Variants in NOXRED1 observed in about 807,000 individuals in gnomAD.
The protein encoded by NOXRED1 is NADP-dependent oxidoreductase domain-containing protein 1.
NOXRED1 carries 20 observed loss-of-function variants against 30.4 expected under a neutral mutation model. The ratio of observed to expected loss-of-function variants is 0.66; its 90% CI spans 0.46 to 0.96. The LOEUF is 0.96. Ranked by LOEUF, NOXRED1 falls within the 40% of genes least tolerant of loss-of-function variation. The pLI, the probability that NOXRED1 is intolerant of heterozygous loss-of-function variation, is 0.00. For missense variants in NOXRED1, 374 were observed against 428.0 expected, an observed-to-expected ratio of 0.87 and a Z score of 1.11; for synonymous variants, 155 against 168.0, an observed-to-expected ratio of 0.92 and a Z score of 0.60.
intron 2 of NOXRED1, among the ~76,000 whole-genome samples, chr14:77,407,854 A>C (rs1023421294): frequency 6.8e-6 from 1 of 147,900 alleles, no homozygotes; most frequent in Non-Finnish European, 1.5e-5. Context: ...TAGTACTTGA[A>C]ATTATAATTC....
At chr14:77,402,732 A>G (rs923092178) in intron 5 of NOXRED1, among the ~76,000 whole-genome samples, 2 of 151,966 alleles carry the variant, frequency 1.3e-5, no homozygotes, top group Non-Finnish European at 2.9e-5. Flanking sequence ...GTCAATAAGC[A>G]TATGAAAAGA....
At chr14:77,398,570 A>T (rs544535820) in intron 5 of NOXRED1, among the ~76,000 whole-genome samples, 33 of 152,216 alleles carry the variant, frequency 2.2e-4, no homozygotes, top group Admixed American at 1.2e-3. Flanking sequence ...ATCCTGAGAA[A>T]CACTTGTGAA....
rs138689205 is a variant in NOXRED1 at position 77,417,851 on chromosome 14, T to G, written c.156-3724A>C. ...TTTTCTCTGTGTTGCAGTTTTGTTC[T>G]TCTTTTCCTCTCTTGCTGCCTTCTT... is the stretch of plus-strand genomic sequence containing the variant. On this transcript the variant is annotated intron_variant, in intron 1 of 5. Coordinates refer to ENST00000380835, the MANE Select transcript of NOXRED1 (RefSeq NM_001113475.3). Among the ~76,000 whole-genome samples the G allele has an allele frequency of 9.2e-3, 1,394 of 152,312 alleles. 24 individuals carry two copies. Among genetic ancestry groups the G allele is most frequent in the African/African-American group, 0.031 (1,308 of 41,580 alleles).
At chr14:77,423,705 C>T (rs1335899945), upstream of NOXRED1, among the ~76,000 whole-genome samples, 1 of 152,178 alleles carries the variant, frequency 6.6e-6, no homozygotes, top group Non-Finnish European at 1.5e-5. Context: ...TGAGACCCTC[C>T]TTTTCCCAAC....
rs558977910 is a variant in NOXRED1 at position 77,410,304 on chromosome 14, C to A, written c.350-2659G>T. On this transcript the variant is annotated intron_variant, in intron 2 of 5. Transcript: ENST00000380835. ...AAAAGAAAAAAAGAAAAAAACATTA[C>A]AAATCAATAAGAAAAATAAACCTGG... 3.1e-3 allele frequency among the ~76,000 whole-genome samples: 464 copies of A among 152,096 alleles called. 2 individuals are homozygous for A. The highest frequency in any genetic ancestry group is 5.4e-3 in the Non-Finnish European group (369 of 67,982).
At chr14:77,402,673 A>G (rs1414927219) in intron 5 of NOXRED1, among the ~76,000 whole-genome samples, 1 of 152,048 alleles carries the variant, frequency 6.6e-6, no homozygotes, top group Non-Finnish European at 1.5e-5. Flanking sequence ...CAATTTAAAA[A>G]TGGGCCAGAG....
Position 77,406,065 on chromosome 14 carries a change from T to C in NOXRED1, c.753A>G (p.Arg251=). Residue 251 remains arginine, a synonymous_variant, in exon 5 of 6, where the codon AGA becomes AGG. Transcript: ENST00000380835. ...FYAALNICTA[R]NMAHSQVLQL... is the part of the protein sequence containing the mutation. ...GCAGCACTTGGGAGTGGGCCATGTTTCTTGCTGTGCATATGTTTAGGGCCG... is the reference window on the plus strand; with the variant it reads ...GCAGCACTTGGGAGTGGGCCATGTTCCTTGCTGTGCATATGTTTAGGGCCG... 1 of 1,613,908 alleles carries C rather than the reference T, an allele frequency of 6.2e-7. No homozygotes were observed. Among genetic ancestry groups the C allele is most frequent in the Non-Finnish European group, 8.5e-7 (1 of 1,179,846 alleles).
In NOXRED1 at chr14:77,415,181, A is replaced by AACAC. The variant is rs57039967; in HGVS notation, c.156-1058_156-1055dup. Among the ~76,000 whole-genome samples, 58 of 149,508 alleles carry AACAC rather than the reference A, an allele frequency of 3.9e-4. 1 individual carries two copies. Among genetic ancestry groups the AACAC allele is most frequent in the African/African-American group, 1.3e-3 (52 of 40,430 alleles). ...ACAGAGCAAGACCCTGTCTCAGGAA[A>AACAC]ACACACACACACACACACACACACA... is the stretch of plus-strand genomic sequence containing the variant. On this transcript the variant is annotated intron_variant, in intron 1 of 5. Transcript: ENST00000380835.
chr14:77,395,729 C>A (rs1429447302), intron 5 of NOXRED1, among the ~76,000 whole-genome samples: 2 of 150,036 alleles, frequency 1.3e-5, no homozygotes, highest in Non-Finnish European at 3.0e-5. Context: ...TTGAGCCCAG[C>A]AGGTCGAGGC....
intron 4 of NOXRED1, chr14:77,406,422 T>A: frequency 1.7e-6 from 1 of 592,558 alleles, no homozygotes; most frequent in Non-Finnish European, 3.0e-6. Context: ...GAGAAGGAAC[T>A]GGGGAAAACT....
chr14:77,416,618 G>C (rs937268813), intron 1 of NOXRED1, among the ~76,000 whole-genome samples: 1 of 152,136 alleles, frequency 6.6e-6, no homozygotes, highest in Non-Finnish European at 1.5e-5. Flanking sequence ...ACACAGACAC[G>C]GCAACCATCC....
intron 1 of NOXRED1, among the ~76,000 whole-genome samples, chr14:77,416,276 C>T (rs1894817912): frequency 6.6e-6 from 1 of 152,112 alleles, no homozygotes; most frequent in Non-Finnish European, 1.5e-5. Context: ...GGTCATAGGA[C>T]AATAGCGTGG....
intron 5 of NOXRED1, among the ~76,000 whole-genome samples, chr14:77,395,231 G>A (rs1453967149): frequency 6.7e-6 from 1 of 149,498 alleles, no homozygotes; most frequent in Non-Finnish European, 1.5e-5. Flanking sequence ...TCAGCCTCCC[G>A]AGTAGCTGGG....
At chr14:77,421,795 T>A (rs1894999994) in intron 1 of NOXRED1, among the ~76,000 whole-genome samples, 1 of 152,228 alleles carries the variant, frequency 6.6e-6, no homozygotes, top group Non-Finnish European at 1.5e-5. Flanking sequence ...AACCAGTGTC[T>A]TAAAGCTCTG....
rs771873920 is a variant in NOXRED1, at chr14:77,406,093, T to C, written c.725A>G (p.Tyr242Cys). The change falls in exon 5 of 6, where the codon TAT becomes TGT. Residue 242 changes from tyrosine to cysteine, a missense_variant. Physicochemically the swap from Tyr to Cys is radical, Grantham distance 194. Transcript: ENST00000380835. ...TGCTGTGCATATGTTTAGGGCCGCA[T>C]AGAACACTCCCTCCAACCACTTGAT... is the stretch of plus-strand genomic sequence containing the variant. ...LNIKWLEGVF[Y>C]AALNICTARN... 6 of 1,613,832 alleles carry C rather than the reference T, an allele frequency of 3.7e-6. No individual in the cohort carries two copies. Among genetic ancestry groups the C allele is most frequent in the Non-Finnish European group, 4.2e-6 (5 of 1,179,780 alleles).
At chr14:77,417,369 A>C (rs924524589) in intron 1 of NOXRED1, among the ~76,000 whole-genome samples, 14 of 152,168 alleles carry the variant, frequency 9.2e-5, no homozygotes, top group African/African-American at 3.1e-4. Context: ...TGGTTGTTCT[A>C]TCCATTATTG....
chr14:77,413,386 G>A (rs896520679), intron 2 of NOXRED1, among the ~76,000 whole-genome samples: 11 of 151,722 alleles, frequency 7.3e-5, no homozygotes, highest in Non-Finnish European at 8.8e-5. Context: ...CTACAGGCAC[G>A]CACCATCATG....
upstream of NOXRED1, among the ~76,000 whole-genome samples, chr14:77,424,117 T>C (rs1418180712): frequency 5.3e-5 from 8 of 152,178 alleles, no homozygotes; most frequent in African/African-American, 1.9e-4. Flanking sequence ...TCTAATCCCT[T>C]TTATAGGAAG....
At chr14:77,399,955 A>C (rs1894282815) in intron 5 of NOXRED1, among the ~76,000 whole-genome samples, 1 of 152,154 alleles carries the variant, frequency 6.6e-6, no homozygotes, top group African/African-American at 2.4e-5. Context: ...ACAGAAAAAC[A>C]AAAAATCTTG....
Sources: allele counts gnomAD v4.1 joint callset (sites outside exome capture counted in the v4.1 genomes callset), GRCh38; gene constraint gnomAD v4.1.1; transcripts MANE v1.5; gene names NCBI Gene and HGNC (gene_info 2026-07-23, HGNC 2026-07-21).